The following GOLM1 variants were observed in gnomAD, a reference collection of about 807,000 sequenced individuals.
GOLM1 encodes the protein golgi membrane protein 1, also known as epididymis luminal protein 46.
Under a neutral mutation model 50.5 loss-of-function variants are expected in GOLM1, and 31 were observed. The ratio of observed to expected loss-of-function variants is 0.61; its 90% confidence interval spans 0.46 to 0.83. The LOEUF (loss-of-function observed/expected upper bound fraction) is 0.83. GOLM1 is among the 40% of genes least tolerant of loss of function. The pLI is 0.00. For missense variants in GOLM1, 491 were observed against 501.3 expected (o/e 0.98, Z 0.20); for synonymous variants, 178 against 192.8 (o/e 0.92, Z 0.64).
At chr9:86,048,102 C>T (rs1833614991) in intron 4 of GOLM1, among the ~76,000 whole-genome samples, 1 of 149,206 alleles carries the variant, frequency 6.7e-6, no homozygotes, top group Non-Finnish European at 1.5e-5. Flanking sequence ...CAATTTCCAC[C>T]TATGACTGAG....
chr9:86,079,684 T>A (rs902638455), intron 1 of GOLM1: 9 of 195,782 alleles, frequency 4.6e-5, no homozygotes, highest in Non-Finnish European at 8.2e-5. Context: ...ATACTCACCT[T>A]CCCGGCATAG....
chr9:86,053,156 CCACA>C (rs1162755858), intron 3 of GOLM1, among the ~76,000 whole-genome samples: 1 of 133,094 alleles, frequency 7.5e-6, no homozygotes, highest in Non-Finnish European at 1.7e-5. Flanking sequence ...CCACTCCACA[CCACA>C]CATTCACACC....
chr9:86,099,978 G>C (rs1284505455), upstream of GOLM1: 1 of 152,278 alleles, frequency 6.6e-6, no homozygotes, highest in African/African-American at 2.4e-5. Flanking sequence ...AAACTGCCCA[G>C]AGAAGGAAGC....
intron 9 of GOLM1, among the ~76,000 whole-genome samples, chr9:86,029,862 A>C (rs148637659): frequency 2.6e-5 from 4 of 151,862 alleles, no homozygotes; most frequent in Non-Finnish European, 5.9e-5. Flanking sequence ...GGAATGAGAG[A>C]TCCAAAAAGG....
intron 8 of GOLM1, chr9:86,034,883 T>C (rs1833086180): frequency 2.4e-6 from 1 of 423,134 alleles, no homozygotes; most frequent in Non-Finnish European, 3.2e-6. Context: ...AAGAAAAGAG[T>C]CAACCAAACC....
At chr9:86,089,009 C>T (rs1350419652) in intron 1 of GOLM1, among the ~76,000 whole-genome samples, 1 of 152,110 alleles carries the variant, frequency 6.6e-6, no homozygotes, top group Non-Finnish European at 1.5e-5. Flanking sequence ...TTTACTTATC[C>T]TTCACTTATG....
At chr9:86,048,673 C>T (rs1049499626) in intron 4 of GOLM1, among the ~76,000 whole-genome samples, 1 of 152,178 alleles carries the variant, frequency 6.6e-6, no homozygotes, top group Non-Finnish European at 1.5e-5. Flanking sequence ...TAAACATCTT[C>T]TTTTGAGACA....
intron 2 of GOLM1, 25 bp downstream of exon 2, chr9:86,079,167 C>T: frequency 6.7e-7 from 1 of 1,495,778 alleles, no homozygotes; most frequent in Non-Finnish European, 8.9e-7. Context: ...ATAAAATAAA[C>T]ATAACAATAA....
chr9:86,069,468 A>C (rs1347124758), intron 3 of GOLM1, among the ~76,000 whole-genome samples: 2 of 152,232 alleles, frequency 1.3e-5, no homozygotes, highest in Non-Finnish European at 2.9e-5. Context: ...AGGAAACGGA[A>C]ATGGCAGCTC....
intron 3 of GOLM1, among the ~76,000 whole-genome samples, chr9:86,075,632 C>T (rs1010571918): frequency 6.6e-6 from 1 of 152,174 alleles, no homozygotes; most frequent in Non-Finnish European, 1.5e-5. Context: ...ACCACCAAAC[C>T]ACAGCTAAAA....
chr9:86,085,613 A>G (rs1016446961), intron 1 of GOLM1, among the ~76,000 whole-genome samples: 3 of 151,784 alleles, frequency 2.0e-5, no homozygotes, highest in Non-Finnish European at 4.4e-5. Context: ...TACTTCTCCT[A>G]ATGCTTACCC....
At position 86,035,527 on chromosome 9, in the gene GOLM1, C is replaced by T. The variant is rs887527038; in HGVS notation, c.856G>A (p.Gly286Ser). 3 of 1,612,324 alleles carry T rather than the reference C, an allele frequency of 1.9e-6. No homozygotes were observed. The highest frequency in any genetic ancestry group is 2.2e-5 in the East Asian group (1 of 44,848). ...CCGGCTCCCCCGAAGCCTCTTCCACCTACAGGTCTGTCTTCCACCACCTGC... is the reference window on the plus strand; with the variant it reads ...CCGGCTCCCCCGAAGCCTCTTCCACTTACAGGTCTGTCTTCCACCACCTGC... ...REQVVEDRPV[G>S]GRGFGGAGEL... Residue 286 changes from glycine to serine, a missense_variant, in exon 8 of 10, where the codon GGT becomes AGT. Gly to Ser is a moderately conservative substitution (Grantham distance 56). Transcript: ENST00000388712.
chr9:86,040,938 C>T (rs1167148996), intron 5 of GOLM1, 70 bp from the exon 6 acceptor site: 1 of 1,484,446 alleles, frequency 6.7e-7, no homozygotes, highest in Non-Finnish European at 9.2e-7. Flanking sequence ...GTGACATCCA[C>T]TTCCATAAGA....
chr9:86,090,187 T>A (rs745402958), intron 1 of GOLM1, among the ~76,000 whole-genome samples: 9 of 152,056 alleles, frequency 5.9e-5, no homozygotes, highest in South Asian at 2.1e-4. Context: ...TGTCAACCCC[T>A]GCTAGGAGGT....
chr9:86,044,907 G>GT lies in GOLM1; in HGVS notation c.467+1562dup, dbSNP rs1480615806. Among the ~76,000 whole-genome samples, 4 of 151,632 alleles carry GT rather than the reference G, an allele frequency of 2.6e-5. No homozygotes were observed. In the East Asian group the frequency reaches 7.8e-4, roughly 30 times the overall value. ...GCAGAGGTTGCAGTGAGCTGAGATCGTACCACTGCACTCTAGCCTGGGAAA... is the reference window on the plus strand; with the variant it reads ...GCAGAGGTTGCAGTGAGCTGAGATCGTTACCACTGCACTCTAGCCTGGGAAA... On this transcript the variant is annotated intron_variant, in intron 5 of 9. Transcript: ENST00000388712.
chr9:86,091,939 A>G (rs537821590), intron 1 of GOLM1, among the ~76,000 whole-genome samples: 90 of 152,344 alleles, frequency 5.9e-4, no homozygotes, highest in Admixed American at 9.1e-4. Flanking sequence ...CAGGCAGCTC[A>G]GGGTGGTATT....
chr9:86,057,489 TC>T (rs1834026586), intron 3 of GOLM1, among the ~76,000 whole-genome samples: 1 of 151,966 alleles, frequency 6.6e-6, no homozygotes, highest in African/African-American at 2.4e-5. Context: ...GCCTCCCGGC[TC>T]CCACCTGTGG....
At chr9:86,090,517 G>A (rs1006692596) in intron 1 of GOLM1, among the ~76,000 whole-genome samples, 1 of 152,116 alleles carries the variant, frequency 6.6e-6, no homozygotes, top group Non-Finnish European at 1.5e-5. Context: ...AGTTCGAACT[G>A]GCAGCTTTCT....
intron 1 of GOLM1, among the ~76,000 whole-genome samples, chr9:86,087,018 A>G (rs1834995817): frequency 6.6e-6 from 1 of 152,196 alleles, no homozygotes; most frequent in Non-Finnish European, 1.5e-5. Context: ...TGGCGATAGC[A>G]TTGAATCTAT....
Sources: gnomAD v4.1 joint callset for allele counts (sites outside exome capture counted in the v4.1 genomes callset) on GRCh38, gnomAD v4.1.1 for gene constraint, MANE v1.5 for transcripts, NCBI Gene and HGNC (gene_info 2026-07-23, HGNC 2026-07-21) for gene names.